The following ADAMTS18 variants were observed in gnomAD, a reference collection of about 807,000 sequenced individuals.
ADAMTS18 encodes A disintegrin and metalloproteinase with thrombospondin motifs 18.
In ADAMTS18, 157 loss-of-function variants were observed where a neutral mutation model predicts 165.9. The observed-to-expected ratio is 0.95, with a 90% CI of 0.83 to 1.08. ADAMTS18 has a LOEUF of 1.08. ADAMTS18 is among the 50% of genes least tolerant of loss of function. The pLI is 0.00. For missense variants in ADAMTS18, 2,040 were observed against 1,534.0 expected (o/e 1.33, Z -5.51); for synonymous variants, 782 against 578.2 (o/e 1.35, Z -5.06).
chr16:77,302,004 CTT>C (rs4038557), intron 16 of ADAMTS18, among the ~76,000 whole-genome samples: 13,017 of 128,730 alleles, frequency 0.1, 957 homozygotes, highest in East Asian at 0.24. Flanking sequence ...CTAGTCTTTG[CTT>C]TTTTTTTTTT....
rs143135169 is a variant in ADAMTS18, at chr16:77,331,915, G to C, written c.1859+3841C>G. On this transcript the variant is annotated intron_variant, in intron 12 of 22. Transcript: ENST00000282849. ...AAAAATAGAATTTTTATCTAACTCA[G>C]ACTGCTGACTCAAATGAAGTACCAT... Among the ~76,000 whole-genome samples, 1,269 of 152,248 alleles carry C rather than the reference G, an allele frequency of 8.3e-3. 19 individuals are homozygous for C. The highest frequency in any genetic ancestry group is 0.029 in the African/African-American group (1,203 of 41,544).
intron 19 of ADAMTS18, among the ~76,000 whole-genome samples, chr16:77,294,722 G>A (rs2055432482): frequency 6.6e-6 from 1 of 152,176 alleles, no homozygotes. Context: ...CTCTAAGGAG[G>A]ATTCTAAGCT....
At chr16:77,302,109 T>C (rs551009925) in intron 16 of ADAMTS18, among the ~76,000 whole-genome samples, 1 of 150,884 alleles carries the variant, frequency 6.6e-6, no homozygotes, top group African/African-American at 2.4e-5. Flanking sequence ...GAATAAATAC[T>C]ATGCTTTCCT....
At chr16:77,346,719 A>C (rs1567501913) in intron 10 of ADAMTS18, among the ~76,000 whole-genome samples, 1 of 152,194 alleles carries the variant, frequency 6.6e-6, no homozygotes, top group Non-Finnish European at 1.5e-5. Context: ...TTATTGCCCA[A>C]GTTTTTAAGC....
intron 8 of ADAMTS18, among the ~76,000 whole-genome samples, chr16:77,357,175 G>A (rs925358339): frequency 6.6e-6 from 1 of 151,928 alleles, no homozygotes; most frequent in Non-Finnish European, 1.5e-5. Flanking sequence ...TTCATTTATA[G>A]AGTTCGCCTT....
chr16:77,360,667 C>T (rs2056699402), intron 7 of ADAMTS18, among the ~76,000 whole-genome samples: 1 of 152,180 alleles, frequency 6.6e-6, no homozygotes, highest in Non-Finnish European at 1.5e-5. Flanking sequence ...ATTACAAAAA[C>T]CCTTTCTATG....
intron 12 of ADAMTS18, among the ~76,000 whole-genome samples, chr16:77,333,303 C>T (rs906847441): frequency 6.6e-6 from 1 of 151,932 alleles, no homozygotes; most frequent in Non-Finnish European, 1.5e-5. Flanking sequence ...TAGGGCCTGT[C>T]GCATGGTGGG....
rs183906018 is a variant in ADAMTS18 at position 77,343,546 on chromosome 16, A to G, written c.1615-1747T>C. Among the ~76,000 whole-genome samples the G allele has an allele frequency of 1.0e-3, 157 of 152,324 alleles. 2 individuals are homozygous for G. The East Asian group carries it at 0.023, about 22-fold the overall frequency. On this transcript the variant is annotated intron_variant, in intron 10 of 22. Transcript: ENST00000282849. ...TTCATCTAAACTCATTTAGCTGAAA[A>G]AACTGAGCAAGCTTCTGATGCTGTT...
intron 10 of ADAMTS18, among the ~76,000 whole-genome samples, chr16:77,342,384 G>A (rs1232332429): frequency 2.0e-5 from 3 of 152,132 alleles, no homozygotes; most frequent in Non-Finnish European, 2.9e-5. Context: ...TTTAAAAAAT[G>A]TTCTACAGTT....
chr16:77,422,516 G>A (rs992201692), intron 3 of ADAMTS18, among the ~76,000 whole-genome samples: 1 of 149,860 alleles, frequency 6.7e-6, no homozygotes, highest in Admixed American at 6.7e-5. Flanking sequence ...CAGGGAGATG[G>A]GGAGGGAGGG....
At chr16:77,293,333 C>A in intron 19 of ADAMTS18, 75 bp from the exon 20 acceptor site, 1 of 1,196,596 alleles carries the variant, frequency 8.4e-7, no homozygotes, top group Non-Finnish European at 1.2e-6. Context: ...AAACAACACA[C>A]TAAATATATT....
chr16:77,347,562 T>G (rs926734296), intron 10 of ADAMTS18, among the ~76,000 whole-genome samples: 1 of 152,162 alleles, frequency 6.6e-6, no homozygotes, highest in Non-Finnish European at 1.5e-5. Context: ...GCAATTGATA[T>G]TGAGTACCAT....
At chr16:77,290,991 T>A in intron 21 of ADAMTS18, 1 of 404,792 alleles carries the variant, frequency 2.5e-6, no homozygotes, top group Non-Finnish European at 4.5e-6. Context: ...TAGCAGTGTA[T>A]AACTGGCCTG....
chr16:77,369,523 C>T (rs1334098476), intron 3 of ADAMTS18, among the ~76,000 whole-genome samples: 1 of 152,124 alleles, frequency 6.6e-6, no homozygotes, highest in African/African-American at 2.4e-5. Context: ...TGGACAAACA[C>T]AGTCTACCAA....
chr16:77,383,164 G>A (rs1456315492), intron 3 of ADAMTS18, among the ~76,000 whole-genome samples: 2 of 152,160 alleles, frequency 1.3e-5, no homozygotes, highest in East Asian at 3.9e-4. Context: ...ACTTAGCAGT[G>A]GTCTCCTATC....
intron 2 of ADAMTS18, among the ~76,000 whole-genome samples, chr16:77,432,053 T>C (rs1021386263): frequency 3.3e-5 from 5 of 152,240 alleles, no homozygotes; most frequent in African/African-American, 1.2e-4. Flanking sequence ...AATTTCTCTG[T>C]GCTTAAACTG....
At chr16:77,421,905 A>T (rs1005482911) in intron 3 of ADAMTS18, among the ~76,000 whole-genome samples, 2 of 152,332 alleles carry the variant, frequency 1.3e-5, no homozygotes, top group Middle Eastern at 6.8e-3. Flanking sequence ...AAAGAATAAG[A>T]TAGATCTATA....
chr16:77,386,872 T>C (rs1005730813), intron 3 of ADAMTS18, among the ~76,000 whole-genome samples: 6 of 152,170 alleles, frequency 3.9e-5, no homozygotes, highest in African/African-American at 9.7e-5. Context: ...GCATAGTTTA[T>C]TTAACTTTGT....
At chr16:77,314,409 A>T (rs1052816462) in intron 16 of ADAMTS18, among the ~76,000 whole-genome samples, 6 of 151,950 alleles carry the variant, frequency 3.9e-5, no homozygotes, top group African/African-American at 1.5e-4. Flanking sequence ...GGAGTTCCAG[A>T]CCAGCGTGAC....
Sources: gnomAD v4.1 joint callset for allele counts (sites outside exome capture counted in the v4.1 genomes callset) on GRCh38, gnomAD v4.1.1 for gene constraint, MANE v1.5 for transcripts, NCBI Gene and HGNC (gene_info 2026-07-23, HGNC 2026-07-21) for gene names.